Variants in KIRREL3 observed in about 807,000 individuals in gnomAD.
KIRREL3 encodes kin of IRRE-like protein 3.
KIRREL3 carries 36 observed loss-of-function variants against 89.7 expected under a neutral mutation model. That is an observed-to-expected ratio of 0.40 (90% CI 0.31 to 0.53). The LOEUF (loss-of-function observed/expected upper bound fraction) is 0.53. Ranked by LOEUF, KIRREL3 falls within the 20% of genes least tolerant of loss-of-function variation. KIRREL3 has a pLI of 0.49. For synonymous variants in KIRREL3, 445 were observed against 441.4 expected, an observed-to-expected ratio of 1.01 and a Z score of -0.10; for missense variants, 864 against 1,056.6, an observed-to-expected ratio of 0.82 and a Z score of 2.53.
chr11:126,510,485 G>A (rs1333407331), intron 4 of KIRREL3, among the ~76,000 whole-genome samples: 5 of 99,556 alleles, frequency 5.0e-5, no homozygotes, highest in African/African-American at 6.6e-5. Flanking sequence ...TTTGAGATAG[G>A]GGTCTCACTG....
Position 126,993,398 on chromosome 11 carries a change from G to A in KIRREL3, c.55+7057C>T, listed in dbSNP as rs890642808. ...TCTGCCTTTTGTATTTGCATACACT[G>A]TAAGGTATGTAAGAGACTGGAAATC... On this transcript the variant is annotated intron_variant, in intron 1 of 16. Transcript: ENST00000525144. This position sits in a 1 kb window ranked among gnomAD's most constrained non-coding sequence, Gnocchi z 6.1. Among the ~76,000 whole-genome samples the A allele has an allele frequency of 6.6e-6, 1 of 152,138 alleles. No individual in the cohort carries two copies. Among genetic ancestry groups the A allele is most frequent in the Non-Finnish European group, 1.5e-5 (1 of 68,024 alleles).
rs1364578677 is a variant in KIRREL3, at chr11:126,805,225, T to A, written c.55+195230A>T. ...TAAATTAATACATGAAACAATGCAGTGATGACAAGTGTTCTAAAAACTATA... is the reference window on the plus strand; with the variant it reads ...TAAATTAATACATGAAACAATGCAGAGATGACAAGTGTTCTAAAAACTATA... On this transcript the variant is annotated intron_variant, in intron 1 of 16. Transcript: ENST00000525144. This position sits in a 1 kb window ranked among gnomAD's most constrained non-coding sequence, Gnocchi z 4.3. 6.6e-6 allele frequency among the ~76,000 whole-genome samples: 1 copy of A among 152,154 alleles called. No individual in the cohort carries two copies. The highest frequency in any genetic ancestry group is 2.1e-4 in the South Asian group (1 of 4,820).
At chr11:126,787,877 C>T (rs555317686) in intron 1 of KIRREL3, among the ~76,000 whole-genome samples, 2 of 152,226 alleles carry the variant, frequency 1.3e-5, no homozygotes, top group African/African-American at 4.8e-5. Context: ...CTGCTCTTCA[C>T]CCTGCTTCTT....
chr11:126,507,687 G>T (rs1368694446), intron 4 of KIRREL3, among the ~76,000 whole-genome samples: 2 of 152,230 alleles, frequency 1.3e-5, no homozygotes, highest in African/African-American at 2.4e-5. Context: ...AAGAATTCTG[G>T]ATTAAAGGGC....
At chr11:126,479,241 C>A (rs1957160073) in intron 4 of KIRREL3, among the ~76,000 whole-genome samples, 1 of 152,180 alleles carries the variant, frequency 6.6e-6, no homozygotes, top group African/African-American at 2.4e-5. Context: ...CCCACACCTT[C>A]AGCATCTTCT....
intron 1 of KIRREL3, among the ~76,000 whole-genome samples, chr11:126,591,512 A>G (rs1942130995): frequency 6.6e-6 from 1 of 152,252 alleles, no homozygotes; most frequent in South Asian, 2.1e-4. Context: ...GGGCTTCTAC[A>G]TCTTGCCCAA....
Position 126,571,608 on chromosome 11 carries a change from C to T in KIRREL3, c.56-8696G>A, listed in dbSNP as rs1027674264. ...TCATCAAAACTCTATAAGGTAAGTG[C>T]TGTTATTATTCCTATTTGACAGAAG... On this transcript the variant is annotated intron_variant, in intron 1 of 16. Transcript: ENST00000525144. The surrounding 1 kb of genome is among the most constrained non-coding windows in gnomAD (Gnocchi z 7.7). 1.3e-5 allele frequency among the ~76,000 whole-genome samples: 2 copies of T among 152,186 alleles called. No individual in the cohort carries two copies. Among genetic ancestry groups the T allele is most frequent in the Admixed American group, 1.3e-4 (2 of 15,286 alleles).
chr11:126,496,088 C>T lies in KIRREL3; in HGVS notation c.434-22622G>A, dbSNP rs924818016. 6.6e-6 allele frequency among the ~76,000 whole-genome samples: 1 copy of T among 152,166 alleles called. No homozygotes were observed. The highest frequency in any genetic ancestry group is 1.5e-5 in the Non-Finnish European group (1 of 68,042). ...AGAGATCCAGAACCATTCAGCTAAG[C>T]CAGGCTCAGTTTCTTGACCTGCAGA... On this transcript the variant is annotated intron_variant, in intron 4 of 16. Transcript: ENST00000525144. The surrounding 1 kb of genome is among the most constrained non-coding windows in gnomAD (Gnocchi z 4.9).
Position 126,853,320 on chromosome 11 carries a change from G to T in KIRREL3, c.55+147135C>A, listed in dbSNP as rs555957846. Among the ~76,000 whole-genome samples, 12 of 152,226 alleles carry T rather than the reference G, an allele frequency of 7.9e-5. No homozygotes were observed. The East Asian group carries it at 2.3e-3, about 29-fold the overall frequency. On this transcript the variant is annotated intron_variant, in intron 1 of 16. Coordinates refer to ENST00000525144, the MANE Select transcript of KIRREL3 (RefSeq NM_032531.4). ...GAAACTTGGCTTTCCAAACAAACTG[G>T]AATTTTATCGATTCTATGAACTGCC...
intron 1 of KIRREL3, among the ~76,000 whole-genome samples, chr11:126,967,374 C>T (rs1040333170): frequency 6.6e-6 from 1 of 152,190 alleles, no homozygotes; most frequent in Non-Finnish European, 1.5e-5. Context: ...CCAAAGTCAA[C>T]AGGTTGCTTC....
At chr11:126,488,986 G>A (rs544985687) in intron 4 of KIRREL3, among the ~76,000 whole-genome samples, 4 of 152,296 alleles carry the variant, frequency 2.6e-5, no homozygotes, top group African/African-American at 7.2e-5. Flanking sequence ...CCGAGACTGC[G>A]CTTCCTTTCC....
At chr11:126,852,864 C>A (rs1324258123) in intron 1 of KIRREL3, among the ~76,000 whole-genome samples, 1 of 152,156 alleles carries the variant, frequency 6.6e-6, no homozygotes, top group African/African-American at 2.4e-5. Flanking sequence ...ACTCCCTGAG[C>A]AGAGGCTGCA....
chr11:126,654,731 T>C (rs928034853), intron 1 of KIRREL3, among the ~76,000 whole-genome samples: 1 of 152,320 alleles, frequency 6.6e-6, no homozygotes, highest in South Asian at 2.1e-4. Flanking sequence ...CTCAGACTCT[T>C]GAAGGTCAAT....
intron 1 of KIRREL3, among the ~76,000 whole-genome samples, chr11:126,774,619 G>A (rs1344477488): frequency 1.3e-5 from 2 of 152,146 alleles, no homozygotes; most frequent in Non-Finnish European, 2.9e-5. Flanking sequence ...GCACCCAAAC[G>A]CTGCATTTAC....
At chr11:126,832,630 A>C (rs754785294) in intron 1 of KIRREL3, among the ~76,000 whole-genome samples, 1 of 152,184 alleles carries the variant, frequency 6.6e-6, no homozygotes, top group Non-Finnish European at 1.5e-5. Flanking sequence ...TTACTGTTGC[A>C]AATGTGTGGT....
chr11:126,966,829 A>G (rs565873821), intron 1 of KIRREL3, among the ~76,000 whole-genome samples: 1 of 152,306 alleles, frequency 6.6e-6, no homozygotes, highest in African/African-American at 2.4e-5. Context: ...AAGATAATAA[A>G]CCTAAAACAA....
chr11:126,978,123 T>C lies in KIRREL3; in HGVS notation c.55+22332A>G, dbSNP rs1044400300. The stretch of plus-strand genomic sequence containing the variant: ...GCCCCAGGGATAATGGTCAGCACAT[T>C]GTGGCGTTGGATTTTTCTGCTACTT... On this transcript the variant is annotated intron_variant, in intron 1 of 16. Transcript: ENST00000525144. This position sits in a 1 kb window ranked among gnomAD's most constrained non-coding sequence, Gnocchi z 4.2. 6.6e-6 allele frequency among the ~76,000 whole-genome samples: 1 copy of C among 152,144 alleles called. No individual in the cohort carries two copies. Among genetic ancestry groups the C allele is most frequent in the African/African-American group, 2.4e-5 (1 of 41,432 alleles).
chr11:126,781,298 A>G (rs1056214741), intron 1 of KIRREL3, among the ~76,000 whole-genome samples: 1 of 152,178 alleles, frequency 6.6e-6, no homozygotes, highest in Non-Finnish European at 1.5e-5. Context: ...TTTTCTTAAC[A>G]TTCCTTTTCA....
intron 1 of KIRREL3, among the ~76,000 whole-genome samples, chr11:126,835,955 T>C (rs1169086273): frequency 3.9e-5 from 6 of 152,054 alleles, no homozygotes; most frequent in Non-Finnish European, 7.3e-5. Context: ...AACACGGAGG[T>C]TCAGGTAAGC....
Sources: allele counts gnomAD v4.1 joint callset (sites outside exome capture counted in the v4.1 genomes callset), GRCh38; gene constraint gnomAD v4.1.1; non-coding constraint Gnocchi (gnomAD v3.1); transcripts MANE v1.5; gene names NCBI Gene and HGNC (gene_info 2026-07-23, HGNC 2026-07-21).